The following PTPRM variants were observed in gnomAD, a reference collection of about 807,000 sequenced individuals.
PTPRM encodes protein tyrosine phosphatase receptor type M.
Under a neutral mutation model 186.7 loss-of-function variants are expected in PTPRM, and 47 were observed. The ratio of observed to expected loss-of-function variants is 0.25; its 90% CI spans 0.20 to 0.32. The LOEUF (loss-of-function observed/expected upper bound fraction) is 0.32, where lower values mean the gene tolerates loss of function less well. PTPRM is among the 10% of genes least tolerant of loss of function. The probability of loss-of-function intolerance (pLI) is 1.00; values close to 1 mark genes in which losing one functional copy is unlikely to be tolerated. For missense variants in PTPRM, 1,494 were observed against 1,865.0 expected (o/e 0.80, Z 3.66); for synonymous variants, 668 against 674.9 (o/e 0.99, Z 0.16).
rs777268750 is a variant in PTPRM at position 8,253,275 on chromosome 18, A to C, written c.2615A>C (p.His872Pro). 52 of 1,592,058 alleles carry C rather than the reference A, an allele frequency of 3.3e-5. No homozygotes were observed. The South Asian group carries it at 5.9e-4, about 18-fold the overall frequency. Residue 872 changes from histidine (H) to proline (P), a missense_variant, in exon 19 of 33, where the codon CAT (histidine) becomes CCT (proline). His to Pro is a moderately conservative substitution (Grantham distance 77). Transcript: ENST00000580170. ...ASDTSSLVQS[H>P]TYKKREPADV... ...GATACCAGCAGCCTGGTGCAGTCCC[A>C]TACTTACAAGAAGCGAGAGCCGGCC...
intron 1 of PTPRM, among the ~76,000 whole-genome samples, chr18:7,597,037 T>G (rs951036264): frequency 6.6e-6 from 1 of 152,150 alleles, no homozygotes; most frequent in African/African-American, 2.4e-5. Context: ...TATTTTTTAG[T>G]AGAGACTAGG....
At chr18:7,992,244 T>A (rs2083304004) in intron 7 of PTPRM, among the ~76,000 whole-genome samples, 1 of 152,122 alleles carries the variant, frequency 6.6e-6, no homozygotes, top group African/African-American at 2.4e-5. Flanking sequence ...ACTACAAAAG[T>A]GTAATTTTTT....
intron 7 of PTPRM, among the ~76,000 whole-genome samples, chr18:7,960,688 T>C (rs925079318): frequency 6.6e-6 from 1 of 151,672 alleles, no homozygotes; most frequent in African/African-American, 2.4e-5. Context: ...AGCCCAGGAG[T>C]TGGAGATTGC....
chr18:8,277,064 G>A (rs771343526), intron 19 of PTPRM, among the ~76,000 whole-genome samples: 3 of 151,970 alleles, frequency 2.0e-5, no homozygotes, highest in Non-Finnish European at 4.4e-5. Context: ...AGCCCCCTGA[G>A]TAGCTGGGAC....
chr18:8,130,771 A>G (rs920462948), intron 13 of PTPRM, among the ~76,000 whole-genome samples: 8 of 152,168 alleles, frequency 5.3e-5, no homozygotes, highest in African/African-American at 1.9e-4. Context: ...TCACACAGGA[A>G]CTCTGGAACC....
intron 19 of PTPRM, among the ~76,000 whole-genome samples, chr18:8,289,628 A>G (rs1568675926): frequency 6.9e-6 from 1 of 145,924 alleles, no homozygotes; most frequent in Non-Finnish European, 1.5e-5. Flanking sequence ...ACACATATAT[A>G]TATACACACA....
rs541158433 is a variant in PTPRM, at chr18:8,015,902, A to G, written c.1133-53784A>G. Among the ~76,000 whole-genome samples the G allele has an allele frequency of 2.0e-5, 3 of 152,298 alleles. No homozygotes were observed. The East Asian group carries it at 5.8e-4, about 29-fold the overall frequency. On this transcript the variant is annotated intron_variant, in intron 7 of 32. Transcript: ENST00000580170. ...TGAATTAATCTTGGAGTGAATACTA[A>G]AGTTAGTTGGAAAAGCTCCTGAAAT...
intron 1 of PTPRM, among the ~76,000 whole-genome samples, chr18:7,683,183 T>TTTTTA (rs2039518673): frequency 7.1e-6 from 1 of 140,926 alleles, no homozygotes; most frequent in African/African-American, 2.8e-5. Flanking sequence ...TTTTTTTTTT[T>TTTTTA]GAGATGGGGT....
intron 1 of PTPRM, among the ~76,000 whole-genome samples, chr18:7,649,743 A>C (rs190758677): frequency 1.3e-5 from 2 of 152,060 alleles, no homozygotes; most frequent in East Asian, 3.9e-4. Flanking sequence ...ACTAATAATA[A>C]AGAAAAAGAA....
At chr18:8,254,767 A>C (rs2094559114) in intron 19 of PTPRM, among the ~76,000 whole-genome samples, 1 of 152,234 alleles carries the variant, frequency 6.6e-6, no homozygotes, top group African/African-American at 2.4e-5. Flanking sequence ...GATTCATTAC[A>C]GCAGTCAAAG....
chr18:8,392,775 G>A (rs970373312), intron 31 of PTPRM, among the ~76,000 whole-genome samples: 1 of 152,150 alleles, frequency 6.6e-6, no homozygotes, highest in East Asian at 1.9e-4. Context: ...GAACAAAAGA[G>A]CCAGCCTGAC....
chr18:7,666,124 G>T (rs913463449), intron 1 of PTPRM, among the ~76,000 whole-genome samples: 1 of 152,084 alleles, frequency 6.6e-6, no homozygotes, highest in Admixed American at 6.6e-5. Flanking sequence ...TTCCATAAAA[G>T]ACTTGAGGCA....
At chr18:8,075,409 A>G (rs1016227968) in intron 8 of PTPRM, among the ~76,000 whole-genome samples, 1 of 152,134 alleles carries the variant, frequency 6.6e-6, no homozygotes, top group African/African-American at 2.4e-5. Context: ...CATTCACTTC[A>G]TCACCAAAAA....
At chr18:8,143,567 G>A in intron 13 of PTPRM, 80 bp from the exon 14 acceptor site, 1 of 1,458,000 alleles carries the variant, frequency 6.9e-7, no homozygotes, top group Non-Finnish European at 9.5e-7. Context: ...TCTGTTAAAT[G>A]CAGCGAAATT....
chr18:7,948,250 T>C (rs959988259), intron 5 of PTPRM, among the ~76,000 whole-genome samples: 1 of 151,582 alleles, frequency 6.6e-6, no homozygotes, highest in Non-Finnish European at 1.5e-5. Context: ...TGTGAGAAAC[T>C]TTATATATAT....
chr18:8,369,193 A>G (rs1482004085), intron 23 of PTPRM, among the ~76,000 whole-genome samples: 2 of 152,088 alleles, frequency 1.3e-5, no homozygotes, highest in Non-Finnish European at 2.9e-5. Flanking sequence ...CATAGAAAAG[A>G]GAGCTATAAA....
intron 7 of PTPRM, among the ~76,000 whole-genome samples, chr18:7,990,263 C>G (rs759243104): frequency 2.6e-5 from 4 of 152,134 alleles, no homozygotes; most frequent in Admixed American, 1.3e-4. Flanking sequence ...AACTGTCATG[C>G]AAAATGCACC....
chr18:8,093,104 G>A (rs1260581117), intron 11 of PTPRM, among the ~76,000 whole-genome samples: 2 of 151,934 alleles, frequency 1.3e-5, no homozygotes, highest in Non-Finnish European at 2.9e-5. Flanking sequence ...GTAGTTCAAG[G>A]TTATGAAGCA....
intron 22 of PTPRM, among the ~76,000 whole-genome samples, chr18:8,326,417 A>C (rs1413731292): frequency 1.3e-5 from 2 of 152,244 alleles, no homozygotes; most frequent in East Asian, 3.8e-4. Flanking sequence ...CATTCTTCAC[A>C]GAATTAGAAA....
Sources: gnomAD v4.1 joint callset for allele counts (sites outside exome capture counted in the v4.1 genomes callset) on GRCh38, gnomAD v4.1.1 for gene constraint, MANE v1.5 for transcripts, NCBI Gene and HGNC (gene_info 2026-07-23, HGNC 2026-07-21) for gene names.